The following SUCLG2 variants were observed in gnomAD, a reference collection of about 807,000 sequenced individuals.
SUCLG2 encodes succinate-CoA ligase GDP-forming subunit beta, also known as succinate--CoA ligase [GDP-forming] subunit beta, mitochondrial.
Under a neutral mutation model 47.9 loss-of-function variants are expected in SUCLG2, and 42 were observed. The ratio of observed to expected loss-of-function variants is 0.88; its 90% CI spans 0.69 to 1.14. The LOEUF (loss-of-function observed/expected upper bound fraction) is 1.14. Among genes scored for constraint, SUCLG2 ranks in the 50% most tolerant of loss-of-function variants. The probability of loss-of-function intolerance (pLI) is 0.00; values close to 1 mark genes in which losing one functional copy is unlikely to be tolerated. For missense variants in SUCLG2, 571 were observed against 525.9 expected (o/e 1.09, Z -0.84); for synonymous variants, 195 against 197.3 (o/e 0.99, Z 0.10).
intron 9 of SUCLG2, among the ~76,000 whole-genome samples, chr3:67,476,629 C>T (rs1443614643): frequency 1.3e-5 from 2 of 152,176 alleles, no homozygotes; most frequent in African/African-American, 4.8e-5. Flanking sequence ...ACCCTGCACC[C>T]TTGGACCCTC....
chr3:67,414,145 G>A (rs1007358991), intron 9 of SUCLG2, among the ~76,000 whole-genome samples: 6 of 152,154 alleles, frequency 3.9e-5, no homozygotes, highest in African/African-American at 1.4e-4. Flanking sequence ...GGCTAGCTGA[G>A]GGCATCTCCC....
At chr3:67,628,213 T>C (rs1205019658) in intron 1 of SUCLG2, among the ~76,000 whole-genome samples, 1 of 152,236 alleles carries the variant, frequency 6.6e-6, no homozygotes, top group Admixed American at 6.5e-5. Context: ...TATATGTATA[T>C]GGCTAGAGCA....
At chr3:67,545,665 T>G (rs763511085) in intron 2 of SUCLG2, among the ~76,000 whole-genome samples, 1 of 152,178 alleles carries the variant, frequency 6.6e-6, no homozygotes, top group Non-Finnish European at 1.5e-5. Context: ...TCCTTTTCTC[T>G]TTATGCCACT....
intron 1 of SUCLG2, among the ~76,000 whole-genome samples, chr3:67,630,415 C>A (rs1328601233): frequency 6.6e-6 from 1 of 152,116 alleles, no homozygotes; most frequent in Non-Finnish European, 1.5e-5. Flanking sequence ...TCGAAAACAA[C>A]TGGAATAAAA....
intron 9 of SUCLG2, among the ~76,000 whole-genome samples, chr3:67,428,881 CGAGAA>C (rs1202921444): frequency 6.6e-6 from 1 of 151,730 alleles, no homozygotes; most frequent in Admixed American, 6.6e-5. Context: ...TGAAATGAAG[CGAGAA>C]GAGAAGTTTA....
At chr3:67,469,007 G>A (rs1336514114) in intron 9 of SUCLG2, among the ~76,000 whole-genome samples, 1 of 152,196 alleles carries the variant, frequency 6.6e-6, no homozygotes, top group African/African-American at 2.4e-5. Context: ...GACCTGAAGA[G>A]TAAGCTGAAG....
intron 10 of SUCLG2, among the ~76,000 whole-genome samples, chr3:67,363,112 G>T (rs1701827559): frequency 1.3e-5 from 2 of 152,150 alleles, no homozygotes; most frequent in South Asian, 2.1e-4. Context: ...CCCAAATAAA[G>T]ACATGCAATA....
Position 67,375,294 on chromosome 3 carries a change from T to G in SUCLG2, c.*450A>C. 4 of 983,004 alleles carry G rather than the reference T, an allele frequency of 4.1e-6. No homozygotes were observed. Among genetic ancestry groups the G allele is most frequent in the African/African-American group, 3.5e-5 (2 of 57,300 alleles). The allele number at this position is 983,004 out of a possible 1,614,324, so 60.9% of individuals were successfully genotyped here. On this transcript the variant is annotated 3_prime_UTR_variant, in exon 11 of 11. Coordinates refer to ENST00000307227, the MANE Select transcript of SUCLG2 (RefSeq NM_003848.4). ...CCTTTTTAGTAGCTAATATGTTCAG[T>G]GTAATCTTATGCCTTTTTAGTAATT... is the stretch of plus-strand genomic sequence containing the variant.
At chr3:67,538,698 AT>A (rs1706615662) in intron 2 of SUCLG2, among the ~76,000 whole-genome samples, 1 of 152,166 alleles carries the variant, frequency 6.6e-6, no homozygotes, top group East Asian at 1.9e-4. Flanking sequence ...TAAGCATGGA[AT>A]GTTTTTCCAT....
At position 67,520,467 on chromosome 3, in the gene SUCLG2, G is replaced by A. The variant is rs777283480; in HGVS notation, c.570+15C>T. 33 of 1,613,688 alleles carry A rather than the reference G, an allele frequency of 2.0e-5. No individual in the cohort carries two copies. The highest frequency in any genetic ancestry group is 3.3e-5 in the South Asian group (3 of 91,080). Reference sequence around the variant, plus strand: ...ACAATCAATTAATAGCAGGTAGCCCGGAATTTAAACATACCTTAAAAATGA... The same window carrying A: ...ACAATCAATTAATAGCAGGTAGCCCAGAATTTAAACATACCTTAAAAATGA... On this transcript the variant is annotated intron_variant, in intron 5 of 10. Coordinates refer to ENST00000307227, the MANE Select transcript of SUCLG2 (RefSeq NM_003848.4).
intron 10 of SUCLG2, among the ~76,000 whole-genome samples, chr3:67,380,264 T>A (rs1702125853): frequency 6.6e-6 from 1 of 151,772 alleles, no homozygotes; most frequent in Non-Finnish European, 1.5e-5. Context: ...CTGTGCTCAC[T>A]GCCCTGAGTG....
rs58062419 is a variant in SUCLG2, at chr3:67,378,999, T to A, written c.1184-3140A>T. On this transcript the variant is annotated intron_variant, in intron 10 of 10. Coordinates refer to ENST00000307227, the MANE Select transcript of SUCLG2 (RefSeq NM_003848.4). ...TCTTGCTCTGTCACCCAGGCTGGAG[T>A]GCAGTGGCGTGATCTCAGCTCACTG... Among the ~76,000 whole-genome samples, 16 of 152,252 alleles carry A rather than the reference T, an allele frequency of 1.1e-4. No homozygotes were observed. The East Asian group carries it at 3.1e-3, about 29-fold the overall frequency.
At position 67,496,127 on chromosome 3, in the gene SUCLG2, T is replaced by A. The variant is rs141745292; in HGVS notation, c.920-187A>T. ...TTAGGATAAAGAATCAGGACATGTA[T>A]ATGCAAACAATGAAACAAAAAAGAC... On this transcript the variant is annotated intron_variant, in intron 8 of 10. Coordinates refer to ENST00000307227, the MANE Select transcript of SUCLG2 (RefSeq NM_003848.4). 6.6e-3 allele frequency among the ~76,000 whole-genome samples: 1,008 copies of A among 152,274 alleles called. 8 individuals carry two copies. Among genetic ancestry groups the A allele is most frequent in the Admixed American group, 8.7e-3 (133 of 15,290 alleles).
chr3:67,417,714 T>C (rs1703067289), intron 9 of SUCLG2, among the ~76,000 whole-genome samples: 1 of 152,166 alleles, frequency 6.6e-6, no homozygotes, highest in Admixed American at 6.6e-5. Flanking sequence ...CTTTCCCCTT[T>C]TCCTCCAGCA....
rs770165103 is a variant in SUCLG2, at chr3:67,654,560, G to T, written c.27C>A (p.Ala9=). MASPVAAQ[A]GKLLRALALR... is the part of the protein sequence containing the mutation. ...GCGCTAGGGCTCGCAGAAGCTTCCC[G>T]GCCTGCGCTGCTACGGGGGACGCCA... The change falls in exon 1 of 11, where the codon GCC becomes GCA. Residue 9 remains alanine (A), a synonymous_variant. Transcript: ENST00000307227. The T allele has an allele frequency of 2.4e-6, 3 of 1,272,978 alleles. No individual in the cohort carries two copies. The highest frequency in any genetic ancestry group is 2.0e-6 in the Non-Finnish European group (2 of 1,006,940). The allele number at this position is 1,272,978 out of a possible 1,614,324, so 78.9% of individuals were successfully genotyped here.
chr3:67,385,089 T>C (rs9681106), intron 10 of SUCLG2, among the ~76,000 whole-genome samples: 11,907 of 152,182 alleles, frequency 0.078, 508 homozygotes, highest in Admixed American at 0.12. Flanking sequence ...TGATGGCTCA[T>C]CAAATATGAC....
intron 9 of SUCLG2, among the ~76,000 whole-genome samples, chr3:67,424,730 C>T (rs1209464269): frequency 2.0e-5 from 3 of 152,100 alleles, no homozygotes; most frequent in African/African-American, 7.2e-5. Flanking sequence ...TCACTTCTGC[C>T]ACCACCATTC....
chr3:67,552,974 A>T (rs1707058077), intron 2 of SUCLG2, among the ~76,000 whole-genome samples: 1 of 152,218 alleles, frequency 6.6e-6, no homozygotes. Flanking sequence ...ATTACTTCTA[A>T]TCCACCCACT....
chr3:67,541,589 T>A (rs955842915), intron 2 of SUCLG2, among the ~76,000 whole-genome samples: 1 of 152,200 alleles, frequency 6.6e-6, no homozygotes, highest in Non-Finnish European at 1.5e-5. Flanking sequence ...TGGAAAACAC[T>A]CTTCAGGATG....
Sources: allele counts gnomAD v4.1 joint callset (sites outside exome capture counted in the v4.1 genomes callset), GRCh38; gene constraint gnomAD v4.1.1; transcripts MANE v1.5; gene names NCBI Gene and HGNC (gene_info 2026-07-23, HGNC 2026-07-21).